The following KYNU variants were observed in gnomAD, a reference collection of about 807,000 sequenced individuals.
The protein encoded by KYNU is L-kynurenine hydrolase.
In KYNU, 54 loss-of-function variants were observed where a neutral mutation model predicts 59.2. That is an observed-to-expected ratio of 0.91 (90% CI 0.73 to 1.14). KYNU has a LOEUF of 1.14. Among genes scored for constraint, KYNU ranks in the 50% most tolerant of loss-of-function variants. KYNU has a pLI of 0.00. For missense variants in KYNU, 567 were observed against 554.4 expected (o/e 1.02, Z -0.23); for synonymous variants, 177 against 192.0 (o/e 0.92, Z 0.65).
chr2:143,015,699 C>T (rs1686228587), intron 10 of KYNU, among the ~76,000 whole-genome samples: 1 of 151,820 alleles, frequency 6.6e-6, no homozygotes, highest in Non-Finnish European at 1.5e-5. Context: ...TAGATAGGAT[C>T]AGTGAAATAT....
At chr2:142,930,822 T>C (rs188784593) in intron 4 of KYNU, among the ~76,000 whole-genome samples, 3 of 152,336 alleles carry the variant, frequency 2.0e-5, no homozygotes, top group Non-Finnish European at 4.4e-5. Flanking sequence ...CAATTAATAA[T>C]ATATACCATA....
At chr2:143,014,031 C>T (rs1686185322) in intron 10 of KYNU, among the ~76,000 whole-genome samples, 1 of 152,220 alleles carries the variant, frequency 6.6e-6, no homozygotes, top group Non-Finnish European at 1.5e-5. Context: ...TCAAAATAGT[C>T]TCTTGCGTCT....
intron 7 of KYNU, among the ~76,000 whole-genome samples, chr2:142,960,329 C>T (rs1467524124): frequency 6.6e-6 from 1 of 152,134 alleles, no homozygotes; most frequent in Non-Finnish European, 1.5e-5. Flanking sequence ...GAGAAAACAA[C>T]TTATAGCTGT....
At chr2:142,984,001 C>T (rs370784814) in intron 8 of KYNU, among the ~76,000 whole-genome samples, 51 of 151,906 alleles carry the variant, frequency 3.4e-4, no homozygotes, top group Non-Finnish European at 5.2e-4. Flanking sequence ...ATAGCCTTTC[C>T]GTCAATTTTG....
chr2:142,902,168 A>T (rs6739188), intron 2 of KYNU, among the ~76,000 whole-genome samples: 85,033 of 152,022 alleles, frequency 0.56, 24,820 homozygotes, highest in African/African-American at 0.71. Context: ...CTAAGACTGC[A>T]ACTGCCGCCA....
At chr2:142,909,303 C>A (rs1355372166) in intron 2 of KYNU, among the ~76,000 whole-genome samples, 1 of 151,940 alleles carries the variant, frequency 6.6e-6, no homozygotes, top group South Asian at 2.1e-4. Context: ...ATTAAAGGGA[C>A]ATACAGGCAT....
chr2:143,020,329 T>C (rs906362816), intron 10 of KYNU, among the ~76,000 whole-genome samples: 1 of 152,152 alleles, frequency 6.6e-6, no homozygotes, highest in Non-Finnish European at 1.5e-5. Flanking sequence ...TGCTATGTTT[T>C]AATTTTCATT....
At chr2:142,936,510 G>A (rs1020924184) in intron 4 of KYNU, among the ~76,000 whole-genome samples, 11 of 152,122 alleles carry the variant, frequency 7.2e-5, no homozygotes, top group Admixed American at 2.0e-4. Context: ...AAAGGAGACC[G>A]TCCTGGACAG....
At chr2:142,936,830 G>A (rs1024427524) in intron 4 of KYNU, among the ~76,000 whole-genome samples, 8 of 152,188 alleles carry the variant, frequency 5.3e-5, no homozygotes, top group Non-Finnish European at 1.2e-4. Context: ...ACTCTCTGGG[G>A]TGGAGGGGTA....
rs1396101483 is a variant in KYNU, at chr2:142,954,863, C to A, written c.427C>A (p.Leu143Ile). 3 of 1,584,932 alleles carry A rather than the reference C, an allele frequency of 1.9e-6. No homozygotes were observed. Among genetic ancestry groups the A allele is most frequent in the Admixed American group, 1.7e-5 (1 of 59,888 alleles). Reference sequence around the variant, plus strand: ...GAATGCTTTGACTGTAAATTTACATCTTCTAATGGTAAGTTTTCTTTCCCA... The same window carrying A: ...GAATGCTTTGACTGTAAATTTACATATTCTAATGGTAAGTTTTCTTTCCCA... ...LMNALTVNLHLLMLSFFKPTP... is the reference protein window; with the variant it reads ...LMNALTVNLHILMLSFFKPTP... Residue 143 changes from leucine to isoleucine, a missense_variant, in exon 5 of 14, where the codon CTT becomes ATT. By Grantham distance (5) the Leu-to-Ile change is conservative. Coordinates refer to ENST00000264170, the MANE Select transcript of KYNU (RefSeq NM_003937.3).
rs148307358 is a variant in KYNU, at chr2:142,953,623, G to A, written c.374-1187G>A. On this transcript the variant is annotated intron_variant, in intron 4 of 13. Transcript: ENST00000264170. ...CCAGGACAAATTTTATTTAGTTCTA[G>A]GAATATACAGTGAGATTTTTCTTAC... Among the ~76,000 whole-genome samples the A allele has an allele frequency of 7.8e-3, 1,182 of 152,260 alleles. 10 individuals carry two copies. Among genetic ancestry groups the A allele is most frequent in the Middle Eastern group, 0.02 (6 of 294 alleles).
chr2:142,941,298 TAGC>T (rs949682957), intron 4 of KYNU, among the ~76,000 whole-genome samples: 5 of 152,346 alleles, frequency 3.3e-5, no homozygotes, highest in African/African-American at 1.2e-4. Context: ...CCAAGGGTTT[TAGC>T]AGCCCTGTAC....
chr2:142,928,318 A>C (rs961659496), intron 4 of KYNU, among the ~76,000 whole-genome samples: 2 of 152,176 alleles, frequency 1.3e-5, no homozygotes, highest in African/African-American at 4.8e-5. Flanking sequence ...ATTTTGAAAA[A>C]ATTTATTTAA....
Position 142,967,704 on chromosome 2 carries a change from A to G in KYNU, c.729+6934A>G, listed in dbSNP as rs1684591384. 2.6e-5 allele frequency among the ~76,000 whole-genome samples: 4 copies of G among 152,116 alleles called. No homozygotes were observed. The South Asian group carries it at 8.3e-4, about 31-fold the overall frequency. On this transcript the variant is annotated intron_variant, in intron 8 of 13. Coordinates refer to ENST00000264170, the MANE Select transcript of KYNU (RefSeq NM_003937.3). ...TAATTATTTTTTAAAAACAATTTTG[A>G]GTTTATTTTAGAACACACCATTGAG...
chr2:143,033,254 G>T lies in KYNU; in HGVS notation c.974G>T (p.Gly325Val). The change falls in exon 12 of 14, where the codon GGG becomes GTG. Residue 325 changes from glycine to valine, a missense_variant. By Grantham distance (109) the Gly-to-Val change is moderately radical. Coordinates refer to ENST00000264170, the MANE Select transcript of KYNU (RefSeq NM_003937.3). ...TTCTCAGAACTGCAGTTAATCCCTGGGGTCTGTGGATTCCGAATTTCAAAT... is the reference window on the plus strand; with the variant it reads ...TTCTCAGAACTGCAGTTAATCCCTGTGGTCTGTGGATTCCGAATTTCAAAT... ...KMDNKLQLIP[G>V]VCGFRISNPP... 3.7e-6 allele frequency: 6 copies of T among 1,612,556 alleles called. No individual in the cohort carries two copies. Among genetic ancestry groups the T allele is most frequent in the Non-Finnish European group, 5.1e-6 (6 of 1,178,644 alleles).
chr2:143,042,079 G>T lies in KYNU; in HGVS notation c.1305G>T (p.Val435=). ...AGCGGAATCCAAATGGCATTCGAGT[G>T]GCTCCAGTTCCTCTCTATAATTCTT... is the stretch of plus-strand genomic sequence containing the variant. The part of the protein sequence containing the change: ...CDKRNPNGIR[V]APVPLYNSFH... Residue 435 remains valine (V), a synonymous_variant, in exon 14 of 14, where the codon GTG becomes GTT. Transcript: ENST00000264170. The T allele has an allele frequency of 6.2e-7, 1 of 1,611,556 alleles. No homozygotes were observed.
chr2:143,029,808 C>T, intron 11 of KYNU, 129 bp downstream of exon 11: 1 of 664,322 alleles, frequency 1.5e-6, no homozygotes, highest in Non-Finnish European at 2.7e-6. Context: ...TGAGAATTCT[C>T]AAATAAGAAA....
rs61229238 is a variant in KYNU, at chr2:143,047,852, C to CTTTTTTTTTTTTTTTTTTTT, written c.*5687_*5706dup. On this transcript the variant is annotated 3_prime_UTR_variant, in exon 14 of 14. Coordinates refer to ENST00000264170, the MANE Select transcript of KYNU (RefSeq NM_003937.3). ...GGCATAAGCTGCCACTCCTGGACCT[C>CTTTTTTTTTTTTTTTTTTTT]TTTTTTTTTTTTTTTTTTTTTTTTT... is the stretch of plus-strand genomic sequence containing the variant. 1.7e-4 allele frequency: 17 copies of CTTTTTTTTTTTTTTTTTTTT among 100,336 alleles called. 7 individuals are homozygous for CTTTTTTTTTTTTTTTTTTTT. Among genetic ancestry groups the CTTTTTTTTTTTTTTTTTTTT allele is most frequent in the South Asian group, 6.4e-4 (2 of 3,136 alleles). The allele number at this position is 100,336 out of a possible 1,614,324, so 6.2% of individuals were successfully genotyped here.
intron 2 of KYNU, among the ~76,000 whole-genome samples, chr2:142,915,987 CCAAA>C (rs1380267603): frequency 6.6e-5 from 10 of 151,912 alleles, no homozygotes; most frequent in Admixed American, 2.0e-4. Context: ...TGGGAGAAGG[CCAAA>C]CACACAAGAG....
Sources: allele counts gnomAD v4.1 joint callset (sites outside exome capture counted in the v4.1 genomes callset), GRCh38; gene constraint gnomAD v4.1.1; transcripts MANE v1.5; gene names NCBI Gene and HGNC (gene_info 2026-07-23, HGNC 2026-07-21).